Variants in HIPK2 observed in about 807,000 individuals in gnomAD.
The protein encoded by HIPK2 is homeodomain interacting protein kinase 2.
In HIPK2, 27 loss-of-function variants were observed where a neutral mutation model predicts 113.7. The observed-to-expected ratio is 0.24, with a 90% CI of 0.17 to 0.33. The LOEUF (loss-of-function observed/expected upper bound fraction) is 0.33, where lower values mean the gene tolerates loss of function less well. Ranked by LOEUF, HIPK2 falls within the 10% of genes least tolerant of loss-of-function variation. HIPK2 has a pLI of 1.00. For synonymous variants in HIPK2, 631 were observed against 642.2 expected, an observed-to-expected ratio of 0.98 and a Z score of 0.26; for missense variants, 1,257 against 1,588.0, an observed-to-expected ratio of 0.79 and a Z score of 3.54.
chr7:139,769,970 T>C (rs1796618586), intron 1 of HIPK2, among the ~76,000 whole-genome samples: 1 of 152,212 alleles, frequency 6.6e-6, no homozygotes, highest in South Asian at 2.1e-4. Flanking sequence ...GGTGAGTGGT[T>C]CAGGGGAAAA....
intron 2 of HIPK2, among the ~76,000 whole-genome samples, chr7:139,702,461 C>T (rs910579686): frequency 2.0e-5 from 3 of 152,188 alleles, no homozygotes; most frequent in African/African-American, 4.8e-5. Flanking sequence ...GGACCCTCGC[C>T]GAGGCCCAGC....
chr7:139,634,521 G>A (rs1406962504), intron 2 of HIPK2, among the ~76,000 whole-genome samples: 1 of 152,052 alleles, frequency 6.6e-6, no homozygotes, highest in Non-Finnish European at 1.5e-5. Flanking sequence ...CTGTGTCAGT[G>A]TTGGCCACAT....
At chr7:139,687,011 C>T (rs972475064) in intron 2 of HIPK2, among the ~76,000 whole-genome samples, 4 of 152,228 alleles carry the variant, frequency 2.6e-5, no homozygotes, top group South Asian at 4.1e-4. Flanking sequence ...CGATTGACAT[C>T]GAGGTAAGAC....
At chr7:139,722,880 G>A (rs1446822383) in intron 1 of HIPK2, among the ~76,000 whole-genome samples, 1 of 144,530 alleles carries the variant, frequency 6.9e-6, no homozygotes. Context: ...TTTTTTTTTT[G>A]GGACAGGATC....
At chr7:139,668,628 T>C (rs1296051256) in intron 2 of HIPK2, among the ~76,000 whole-genome samples, 1 of 152,020 alleles carries the variant, frequency 6.6e-6, no homozygotes, top group Non-Finnish European at 1.5e-5. Context: ...TGGTGAGACA[T>C]TTCTCACCTG....
intron 2 of HIPK2, among the ~76,000 whole-genome samples, chr7:139,639,923 C>T (rs1004284797): frequency 1.3e-5 from 2 of 151,914 alleles, no homozygotes; most frequent in Non-Finnish European, 1.5e-5. Context: ...CATCACATGT[C>T]GGTTGCTTCC....
chr7:139,744,400 T>G (rs1796156399), intron 1 of HIPK2, among the ~76,000 whole-genome samples: 1 of 152,244 alleles, frequency 6.6e-6, no homozygotes, highest in South Asian at 2.1e-4. Context: ...GATTAGTGGT[T>G]GCCAGGGGCT....
intron 2 of HIPK2, among the ~76,000 whole-genome samples, chr7:139,669,738 A>G (rs969107232): frequency 1.3e-5 from 2 of 152,210 alleles, no homozygotes; most frequent in Non-Finnish European, 1.5e-5. Flanking sequence ...AAAAACTACA[A>G]TTACGCTAGG....
chr7:139,685,798 G>C (rs9719540), intron 2 of HIPK2, among the ~76,000 whole-genome samples: 51,734 of 152,128 alleles, frequency 0.34, 11,074 homozygotes, highest in Non-Finnish European at 0.46. Flanking sequence ...AGAACAAAAA[G>C]ATTTCTTTCA....
chr7:139,720,230 C>G (rs1216409015), intron 1 of HIPK2, among the ~76,000 whole-genome samples: 2 of 152,116 alleles, frequency 1.3e-5, no homozygotes, highest in African/African-American at 4.8e-5. Flanking sequence ...CTTTCCAGAC[C>G]ACTCTAACCC....
At chr7:139,607,300 G>C (rs972084608) in intron 9 of HIPK2, among the ~76,000 whole-genome samples, 1 of 151,900 alleles carries the variant, frequency 6.6e-6, no homozygotes, top group African/African-American at 2.4e-5. Context: ...AGAGAAAATG[G>C]AGGGGAAGAA....
chr7:139,705,446 G>A lies in HIPK2; in HGVS notation c.1103+10486C>T, dbSNP rs1200878796. On this transcript the variant is annotated intron_variant, in intron 2 of 14. Transcript: ENST00000406875. ...GGCTGGAGTGCAGTGGCGCAATCTC[G>A]GCTCACTGCAAGCTCCGCCTCCTGG... Among the ~76,000 whole-genome samples, 5 of 151,686 alleles carry A rather than the reference G, an allele frequency of 3.3e-5. No homozygotes were observed. The South Asian group carries it at 6.2e-4, about 19-fold the overall frequency.
At position 139,613,437 on chromosome 7, in the gene HIPK2, ACT is replaced by A. The variant is rs1485808360; in HGVS notation, c.1991-116_1991-115del. The A allele has an allele frequency of 7.8e-7, 1 of 1,274,146 alleles. No homozygotes were observed. The highest frequency in any genetic ancestry group is 1.1e-6 in the Non-Finnish European group (1 of 923,706). The allele number at this position is 1,274,146 out of a possible 1,614,324, so 78.9% of individuals were successfully genotyped here. A position where few individuals can be genotyped will look rare whatever the true frequency, so the allele number is the denominator to read the frequency against. ...CTTTCTGCTTCCCTTTGCACTGGTCACTGACAACAACCAGGTATTGCCTGGTC... is the reference window on the plus strand; with the variant it reads ...CTTTCTGCTTCCCTTTGCACTGGTCAGACAACAACCAGGTATTGCCTGGTC... On this transcript the variant is annotated intron_variant, in intron 8 of 14. Coordinates refer to ENST00000406875, the MANE Select transcript of HIPK2 (RefSeq NM_022740.5). This position sits in a 1 kb window ranked among gnomAD's most constrained non-coding sequence, Gnocchi z 4.2.
chr7:139,748,898 T>G (rs924080553), intron 1 of HIPK2, among the ~76,000 whole-genome samples: 5 of 152,240 alleles, frequency 3.3e-5, no homozygotes, highest in African/African-American at 1.2e-4. Context: ...AAGAAATTAC[T>G]GGCTACTCAG....
At chr7:139,712,172 A>T (rs994806939) in intron 2 of HIPK2, among the ~76,000 whole-genome samples, 6 of 152,246 alleles carry the variant, frequency 3.9e-5, no homozygotes, top group African/African-American at 1.2e-4. Context: ...TCGAGAAAAA[A>T]ACTTAAAAAG....
chr7:139,640,097 G>A (rs537087795), intron 2 of HIPK2, among the ~76,000 whole-genome samples: 80 of 152,094 alleles, frequency 5.3e-4, no homozygotes, highest in Middle Eastern at 3.4e-3. Context: ...TTAAAGAATC[G>A]CCTCATTACT....
chr7:139,583,360 G>A (rs999511023), intron 13 of HIPK2, among the ~76,000 whole-genome samples: 1 of 152,190 alleles, frequency 6.6e-6, no homozygotes, highest in Non-Finnish European at 1.5e-5. Context: ...AGCTGATTCC[G>A]AGGAGGGGCT....
intron 2 of HIPK2, among the ~76,000 whole-genome samples, chr7:139,664,133 C>T (rs879471759): frequency 3.4e-5 from 5 of 147,558 alleles, no homozygotes; most frequent in Admixed American, 6.9e-5. Context: ...GTCAAACAAA[C>T]AAGCAAGCAA....
At chr7:139,763,728 C>T (rs1796508559) in intron 1 of HIPK2, among the ~76,000 whole-genome samples, 2 of 152,226 alleles carry the variant, frequency 1.3e-5, no homozygotes, top group Non-Finnish European at 2.9e-5. Flanking sequence ...TTCACCTACT[C>T]ACTAAAAGGT....
Sources: gnomAD v4.1 joint callset for allele counts (sites outside exome capture counted in the v4.1 genomes callset) on GRCh38, gnomAD v4.1.1 for gene constraint, Gnocchi (gnomAD v3.1) non-coding constraint, MANE v1.5 for transcripts, NCBI Gene and HGNC (gene_info 2026-07-23, HGNC 2026-07-21) for gene names.